The following MYO9A variants were observed in gnomAD, a reference collection of about 807,000 sequenced individuals.
MYO9A encodes the protein unconventional myosin-IXa.
A neutral mutation model predicts 293.3 loss-of-function variants in MYO9A; 103 were observed. The ratio of observed to expected loss-of-function variants is 0.35; its 90% CI spans 0.30 to 0.41. The LOEUF (loss-of-function observed/expected upper bound fraction) is 0.41, where lower values mean the gene tolerates loss of function less well. Ranked by LOEUF, MYO9A falls within the 10% of genes least tolerant of loss-of-function variation. The pLI is 1.00. For synonymous variants in MYO9A, 1,001 were observed against 1,035.7 expected, an observed-to-expected ratio of 0.97 and a Z score of 0.64; for missense variants, 2,685 against 3,033.0, an observed-to-expected ratio of 0.89 and a Z score of 2.69.
chr15:72,086,648 G>T (rs902794073), intron 1 of MYO9A, among the ~76,000 whole-genome samples: 2 of 151,596 alleles, frequency 1.3e-5, no homozygotes, highest in Non-Finnish European at 2.9e-5. Context: ...TGTTGGGGGG[G>T]CCGGGGCAGT....
chr15:71,881,412 AG>A (rs1477294797), intron 28 of MYO9A, among the ~76,000 whole-genome samples: 1 of 152,098 alleles, frequency 6.6e-6, no homozygotes, highest in African/African-American at 2.4e-5. Context: ...AAAGGAAAAA[AG>A]TAGCCCCCTA....
chr15:71,827,860 C>G (rs2054572172), intron 41 of MYO9A, 24 bp downstream of exon 41: 1 of 1,592,426 alleles, frequency 6.3e-7, no homozygotes, highest in Non-Finnish European at 8.5e-7. Flanking sequence ...AATCTGGAGT[C>G]TTTGGTCTAC....
chr15:71,828,646 C>T (rs1034396968), intron 40 of MYO9A, among the ~76,000 whole-genome samples: 12 of 152,188 alleles, frequency 7.9e-5, no homozygotes, highest in African/African-American at 2.9e-4. Context: ...CAGTAATGCC[C>T]CACATTCTGT....
chr15:71,883,969 A>G (rs188813922), intron 27 of MYO9A, among the ~76,000 whole-genome samples: 3 of 151,964 alleles, frequency 2.0e-5, no homozygotes, highest in Non-Finnish European at 4.4e-5. Flanking sequence ...ATGAGGAAAC[A>G]TCTTGAATAC....
chr15:72,108,973 G>A (rs1469069884), intron 1 of MYO9A, among the ~76,000 whole-genome samples: 4 of 152,070 alleles, frequency 2.6e-5, no homozygotes, highest in Non-Finnish European at 5.9e-5. Flanking sequence ...ATGTTGGCCA[G>A]GCTGGTCTCA....
intron 32 of MYO9A, among the ~76,000 whole-genome samples, chr15:71,863,012 G>A (rs971803478): frequency 4.7e-5 from 7 of 147,890 alleles, no homozygotes; most frequent in African/African-American, 7.5e-5. Flanking sequence ...TGCAGCCTCC[G>A]CCTCCTGGGT....
chr15:72,100,784 T>C (rs1207687347), intron 1 of MYO9A, among the ~76,000 whole-genome samples: 3 of 147,538 alleles, frequency 2.0e-5, no homozygotes, highest in Admixed American at 6.7e-5. Context: ...GTCTGAGAAA[T>C]GAGGAGCCTC....
chr15:72,019,883 G>A (rs1268951482), intron 5 of MYO9A, among the ~76,000 whole-genome samples: 2 of 152,140 alleles, frequency 1.3e-5, no homozygotes, highest in Non-Finnish European at 2.9e-5. Flanking sequence ...CCAAGCAGCT[G>A]AGATTACAGG....
At chr15:71,842,223 A>G (rs1366639570) in intron 39 of MYO9A, among the ~76,000 whole-genome samples, 1 of 151,358 alleles carries the variant, frequency 6.6e-6, no homozygotes, top group Non-Finnish European at 1.5e-5. Context: ...AAATAAATAC[A>G]AAAATTAACC....
intron 4 of MYO9A, among the ~76,000 whole-genome samples, chr15:72,024,281 AT>A (rs1229621009): frequency 1.3e-5 from 2 of 152,214 alleles, no homozygotes; most frequent in African/African-American, 4.8e-5. Context: ...GTATAAATTA[AT>A]TAACTCATTG....
intron 34 of MYO9A, among the ~76,000 whole-genome samples, chr15:71,857,396 T>TG (rs2055904237): frequency 6.6e-6 from 1 of 152,224 alleles, no homozygotes; most frequent in Admixed American, 6.5e-5. Flanking sequence ...ATACACACAT[T>TG]GCAAGTTACA....
rs57300333 is a variant in MYO9A, at chr15:71,867,798, T to TCACA, written c.5980-5191_5980-5188dup. Among the ~76,000 whole-genome samples the TCACA allele has an allele frequency of 6.5e-3, 824 of 127,588 alleles. 11 individuals are homozygous for TCACA. Among genetic ancestry groups the TCACA allele is most frequent in the African/African-American group, 0.016 (526 of 33,676 alleles). 83.7% of individuals were successfully genotyped at this position (127,588 alleles called of 152,430 possible). On this transcript the variant is annotated intron_variant, in intron 32 of 41. Coordinates refer to ENST00000356056, the MANE Select transcript of MYO9A (RefSeq NM_006901.4). ...CACTAATTTCAATTCTGGGAATCCA[T>TCACA]CACACACACACACACACACACACAC...
intron 14 of MYO9A, among the ~76,000 whole-genome samples, chr15:71,953,382 T>C (rs568632150): frequency 2.0e-5 from 3 of 152,288 alleles, no homozygotes; most frequent in Non-Finnish European, 2.9e-5. Flanking sequence ...AAATTGTAAA[T>C]TGAAGAAGTT....
At chr15:71,980,036 A>T (rs1328176163) in intron 11 of MYO9A, among the ~76,000 whole-genome samples, 2 of 151,880 alleles carry the variant, frequency 1.3e-5, no homozygotes, top group African/African-American at 4.8e-5. Flanking sequence ...TTTTTAAGAG[A>T]CAGGATCTCT....
intron 18 of MYO9A, among the ~76,000 whole-genome samples, chr15:71,929,163 A>G (rs942544067): frequency 3.3e-5 from 5 of 152,026 alleles, no homozygotes; most frequent in Non-Finnish European, 7.4e-5. Context: ...CGGAATTTAT[A>G]TATCAGTTCT....
At chr15:71,847,999 G>A (rs938052623) in intron 39 of MYO9A, among the ~76,000 whole-genome samples, 6 of 152,136 alleles carry the variant, frequency 3.9e-5, no homozygotes, top group Non-Finnish European at 7.4e-5. Context: ...CCCTGAAAGA[G>A]TAAGGGCATG....
At chr15:71,880,222 A>G in intron 29 of MYO9A, 113 bp downstream of exon 29, 2 of 904,840 alleles carry the variant, frequency 2.2e-6, no homozygotes, top group East Asian at 2.5e-5. Context: ...AGAACAGATC[A>G]TCTAAAGCAT....
At position 72,039,191 on chromosome 15, in the gene MYO9A, A is replaced by G. The variant is rs563161609; in HGVS notation, c.840+6533T>C. Among the ~76,000 whole-genome samples the G allele has an allele frequency of 2.6e-5, 4 of 152,270 alleles. No homozygotes were observed. In the South Asian group the frequency reaches 8.3e-4, roughly 32 times the overall value. ...GAATTGGTCATGTGAAAGAAACTAA[A>G]GTGACACAAGTATGTCATTGTTTTA... On this transcript the variant is annotated intron_variant, in intron 2 of 41. Transcript: ENST00000356056.
chr15:72,068,584 GCC>G (rs1379278257), intron 1 of MYO9A, among the ~76,000 whole-genome samples: 1 of 151,138 alleles, frequency 6.6e-6, no homozygotes, highest in Admixed American at 6.6e-5. Flanking sequence ...TCCCACCTCA[GCC>G]CCCCAGGTAG....
Sources: allele counts gnomAD v4.1 joint callset (sites outside exome capture counted in the v4.1 genomes callset), GRCh38; gene constraint gnomAD v4.1.1; transcripts MANE v1.5; gene names NCBI Gene and HGNC (gene_info 2026-07-23, HGNC 2026-07-21).